SIX6: variants seen among roughly 807,000 people sequenced by gnomAD.
The protein encoded by SIX6 is SIX homeobox 6.
Under a neutral mutation model 23.6 loss-of-function variants are expected in SIX6, and 14 were observed. That is an observed-to-expected ratio of 0.59 (90% CI 0.39 to 0.93). The LOEUF (loss-of-function observed/expected upper bound fraction) is 0.93. Among genes scored for constraint, SIX6 ranks in the 40% least tolerant of loss-of-function variants. The pLI, the probability that SIX6 is intolerant of heterozygous loss-of-function variation, is 0.00. For synonymous variants in SIX6, 128 were observed against 144.9 expected (o/e 0.88, Z 0.84); for missense variants, 307 against 325.6 (o/e 0.94, Z 0.44).
At position 60,511,420 on chromosome 14, in the gene SIX6, T is replaced by A. The variant is rs931038337; in HGVS notation, c.*168T>A. 2 of 762,820 alleles carry A rather than the reference T, an allele frequency of 2.6e-6. No homozygotes were observed. Among genetic ancestry groups the A allele is most frequent in the African/African-American group, 1.7e-5 (1 of 57,988 alleles). 47.3% of individuals were successfully genotyped at this position (762,820 alleles called of 1,614,324 possible). A position where few individuals can be genotyped will look rare whatever the true frequency, so the allele number is the denominator to read the frequency against. On this transcript the variant is annotated 3_prime_UTR_variant, in exon 2 of 2. Transcript: ENST00000327720. The stretch of plus-strand genomic sequence containing the variant: ...TTCCCGCCCCACCCCGCGGCCGGCC[T>A]GGCTTCACTGGCGCCCTTTGGCCGC...
intron 1 of SIX6, 67 bp downstream of exon 1, chr14:60,510,037 G>A: frequency 1.4e-6 from 2 of 1,396,124 alleles, no homozygotes; most frequent in South Asian, 1.2e-5. Flanking sequence ...CACCTCTGGC[G>A]CCCTTACCCA....
At position 60,509,889 on chromosome 14, in the gene SIX6, C is replaced by A; in HGVS notation, c.491C>A (p.Ala164Glu). Residue 164 changes from alanine (A) to glutamate (E), a missense_variant, in exon 1 of 2, where the codon GCA (alanine) becomes GAA (glutamate). By Grantham distance (107) the Ala-to-Glu change is moderately radical (BLOSUM62 -1). Transcript: ENST00000327720. ...NPSKKRELAQ[A>E]TGLTPTQVGN... ...AGCAAAAAACGTGAGCTCGCCCAGG[C>A]AACCGGACTGACCCCTACGCAGGTG... 1 of 1,613,164 alleles carries A rather than the reference C, an allele frequency of 6.2e-7. No homozygotes were observed. Among genetic ancestry groups the A allele is most frequent in the Non-Finnish European group, 8.5e-7 (1 of 1,179,504 alleles).
chr14:60,510,197 T>C (rs1284098355), intron 1 of SIX6, among the ~76,000 whole-genome samples: 1 of 152,086 alleles, frequency 6.6e-6, no homozygotes, highest in Non-Finnish European at 1.5e-5. Context: ...CTGCAGCAGC[T>C]GGTCCCGGTC....
rs544183207 is a variant in SIX6, at chr14:60,511,914, A to G, written c.*662A>G. ...ATGGTCTCCGGAAGGTCTTACCTAT[A>G]TATCTTTTGCCTTCTTTGGTGCTTC... On this transcript the variant is annotated 3_prime_UTR_variant, in exon 2 of 2. Coordinates refer to ENST00000327720, the MANE Select transcript of SIX6 (RefSeq NM_007374.3). 1.3e-5 allele frequency: 2 copies of G among 155,860 alleles called. No homozygotes were observed. Among genetic ancestry groups the G allele is most frequent in the East Asian group, 1.9e-4 (1 of 5,248 alleles). 9.7% of individuals were successfully genotyped at this position (155,860 alleles called of 1,614,324 possible).
In SIX6 at chr14:60,509,978, C is replaced by T. The variant is rs1226402939; in HGVS notation, c.572+8C>T. Reference sequence around the variant, plus strand: ...GGCTGCAGCCAAGAACAGGTCGGTACCTAGAGGCCTCCGCGCTTTGAGCGC... The same window carrying T: ...GGCTGCAGCCAAGAACAGGTCGGTATCTAGAGGCCTCCGCGCTTTGAGCGC... On this transcript the variant is annotated splice_region_variant and intron_variant, in intron 1 of 1. Transcript: ENST00000327720. The T allele has an allele frequency of 2.5e-6, 4 of 1,591,582 alleles. No homozygotes were observed. The South Asian group carries it at 3.4e-5, about 14-fold the overall frequency.
intron 1 of SIX6, among the ~76,000 whole-genome samples, chr14:60,510,533 G>C (rs2140188840): frequency 6.6e-6 from 1 of 152,288 alleles, no homozygotes; most frequent in Non-Finnish European, 1.5e-5. Context: ...GAGGCTTTTC[G>C]TTTCCCGGAG....
In SIX6 at chr14:60,509,989, C is replaced by A; in HGVS notation, c.572+19C>A. 1 of 1,581,784 alleles carries A rather than the reference C, an allele frequency of 6.3e-7. No homozygotes were observed. The highest frequency in any genetic ancestry group is 1.1e-5 in the South Asian group (1 of 87,578). On this transcript the variant is annotated intron_variant, in intron 1 of 1. Coordinates refer to ENST00000327720, the MANE Select transcript of SIX6 (RefSeq NM_007374.3). ...AGAACAGGTCGGTACCTAGAGGCCTCCGCGCTTTGAGCGCACCGGGGAGGA... is the reference window on the plus strand; with the variant it reads ...AGAACAGGTCGGTACCTAGAGGCCTACGCGCTTTGAGCGCACCGGGGAGGA...
At position 60,509,274 on chromosome 14, in the gene SIX6, T is replaced by G; in HGVS notation, c.-125T>G. 1.2e-6 allele frequency: 1 copy of G among 828,390 alleles called. No individual in the cohort carries two copies. Among genetic ancestry groups the G allele is most frequent in the Non-Finnish European group, 2.0e-6 (1 of 500,412 alleles). The allele number at this position is 828,390 out of a possible 1,614,324, so 51.3% of individuals were successfully genotyped here. A position where few individuals can be genotyped will look rare whatever the true frequency, so the allele number is the denominator to read the frequency against. Reference sequence around the variant, plus strand: ...CCGTTGAGCCACCGCCGCCACCCGGTAGTGTGTCCCGCTGCCCCAATCCGC... The same window carrying G: ...CCGTTGAGCCACCGCCGCCACCCGGGAGTGTGTCCCGCTGCCCCAATCCGC... On this transcript the variant is annotated 5_prime_UTR_variant, in exon 1 of 2. Coordinates refer to ENST00000327720, the MANE Select transcript of SIX6 (RefSeq NM_007374.3).
chr14:60,509,980 T>C lies in SIX6; in HGVS notation c.572+10T>C, dbSNP rs1291884366. 9 of 1,590,698 alleles carry C rather than the reference T, an allele frequency of 5.7e-6. No homozygotes were observed. Among genetic ancestry groups the C allele is most frequent in the South Asian group, 2.3e-5 (2 of 88,346 alleles). ...CTGCAGCCAAGAACAGGTCGGTACCTAGAGGCCTCCGCGCTTTGAGCGCAC... is the reference window on the plus strand; with the variant it reads ...CTGCAGCCAAGAACAGGTCGGTACCCAGAGGCCTCCGCGCTTTGAGCGCAC... On this transcript the variant is annotated intron_variant, in intron 1 of 1. Transcript: ENST00000327720.
rs1279693192 is a variant in SIX6, at chr14:60,509,377, C to A, written c.-22C>A. 1 of 1,596,802 alleles carries A rather than the reference C, an allele frequency of 6.3e-7. No individual in the cohort carries two copies. The highest frequency in any genetic ancestry group is 1.1e-5 in the South Asian group (1 of 91,016). ...TGTCCCGCTCCGGGCTCAGTGCCCTCGCCGCCGCCGGCACTGCCTCGATGT... is the reference window on the plus strand; with the variant it reads ...TGTCCCGCTCCGGGCTCAGTGCCCTAGCCGCCGCCGGCACTGCCTCGATGT... On this transcript the variant is annotated 5_prime_UTR_variant, in exon 1 of 2. Transcript: ENST00000327720.
In SIX6 at chr14:60,509,614, T is replaced by C. The variant is rs201846510; in HGVS notation, c.216T>C (p.His72=). 2.5e-6 allele frequency: 4 copies of C among 1,613,582 alleles called. No individual in the cohort carries two copies. In the African/African-American group the frequency reaches 5.3e-5, roughly 22 times the overall value. ...FHGGNYRELY[H]ILENHKFTKE... ...GTGGCAACTACCGCGAGCTCTATCA[T>C]ATCCTGGAAAACCACAAGTTCACCA... Residue 72 remains histidine (H), a synonymous_variant, in exon 1 of 2, where the codon CAT becomes CAC. Transcript: ENST00000327720.
In SIX6 at chr14:60,511,572, T is replaced by A; in HGVS notation, c.*320T>A. On this transcript the variant is annotated 3_prime_UTR_variant, in exon 2 of 2. Transcript: ENST00000327720. ...GCAAGCTGAGCGCCTGCCCAGATTC[T>A]CCCATGGGTATTTCACGTCGAAAGG... The A allele has an allele frequency of 1.9e-6, 1 of 519,656 alleles. No homozygotes were observed. Among genetic ancestry groups the A allele is most frequent in the South Asian group, 2.1e-5 (1 of 47,692 alleles). The allele number at this position is 519,656 out of a possible 1,614,324, so 32.2% of individuals were successfully genotyped here.
At position 60,509,322 on chromosome 14, in the gene SIX6, A is replaced by G; in HGVS notation, c.-77A>G. The G allele has an allele frequency of 7.8e-7, 1 of 1,287,958 alleles. No individual in the cohort carries two copies. Among genetic ancestry groups the G allele is most frequent in the Non-Finnish European group, 1.1e-6 (1 of 898,142 alleles). 79.8% of individuals were successfully genotyped at this position (1,287,958 alleles called of 1,614,324 possible). The stretch of plus-strand genomic sequence containing the variant: ...CGCCTCATCAACAAGCGCCTGGCAC[A>G]CTCAGCCAGGCCCGCGGGCATCTGC... On this transcript the variant is annotated 5_prime_UTR_variant, in exon 1 of 2. Transcript: ENST00000327720.
In SIX6 at chr14:60,511,678, GA is replaced by G. The variant is rs1242825357; in HGVS notation, c.*427del. The G allele has an allele frequency of 1.1e-5, 3 of 270,630 alleles. No individual in the cohort carries two copies. The highest frequency in any genetic ancestry group is 6.7e-5 in the African/African-American group (3 of 44,908). The allele number at this position is 270,630 out of a possible 1,614,324, so 16.8% of individuals were successfully genotyped here. ...ATATGCTGTTTATTTACTTATTTAA[GA>G]GACCGCCATGGTAGGTTTCTCTGTA... is the stretch of plus-strand genomic sequence containing the variant. On this transcript the variant is annotated 3_prime_UTR_variant, in exon 2 of 2. Transcript: ENST00000327720.
Position 60,509,581 on chromosome 14 carries a change from C to G in SIX6, c.183C>G (p.Ala61=), listed in dbSNP as rs1226047712. ...TGCTACGCGCACGAGCCATCGTGGC[C>G]TTTCACGGTGGCAACTACCGCGAGC... ...ESVLRARAIV[A]FHGGNYRELY... is the part of the protein sequence containing the mutation. The change falls in exon 1 of 2, where the codon GCC becomes GCG. Residue 61 remains alanine, a synonymous_variant. Transcript: ENST00000327720. The G allele has an allele frequency of 3.1e-6, 5 of 1,613,040 alleles. No individual in the cohort carries two copies. Among genetic ancestry groups the G allele is most frequent in the African/African-American group, 1.3e-5 (1 of 74,942 alleles).
Position 60,511,492 on chromosome 14 carries a change from T to C in SIX6, c.*240T>C. On this transcript the variant is annotated 3_prime_UTR_variant, in exon 2 of 2. Transcript: ENST00000327720. ...GGCCTGACCCAGCACCACGTTCTTC[T>C]TGCTTTGCTTTTTCCTAAGGATTTT... 3.3e-6 allele frequency: 2 copies of C among 598,702 alleles called. No individual in the cohort carries two copies. The highest frequency in any genetic ancestry group is 2.0e-5 in the South Asian group (1 of 50,370). 37.1% of individuals were successfully genotyped at this position (598,702 alleles called of 1,614,324 possible). A position where few individuals can be genotyped will look rare whatever the true frequency, so the allele number is the denominator to read the frequency against.
Position 60,511,485 on chromosome 14 carries a change from G to C in SIX6, c.*233G>C. ...GCGGTGAGGCCTGACCCAGCACCAC[G>C]TTCTTCTTGCTTTGCTTTTTCCTAA... On this transcript the variant is annotated 3_prime_UTR_variant, in exon 2 of 2. Transcript: ENST00000327720. 1.7e-6 allele frequency: 1 copy of C among 604,608 alleles called. No individual in the cohort carries two copies. The highest frequency in any genetic ancestry group is 2.8e-5 in the East Asian group (1 of 36,034). 37.5% of individuals were successfully genotyped at this position (604,608 alleles called of 1,614,324 possible). A position where few individuals can be genotyped will look rare whatever the true frequency, so the allele number is the denominator to read the frequency against.
rs1420838564 is a variant in SIX6 at position 60,512,688 on chromosome 14, C to G, written c.*1436C>G. On this transcript the variant is annotated 3_prime_UTR_variant, in exon 2 of 2. Coordinates refer to ENST00000327720, the MANE Select transcript of SIX6 (RefSeq NM_007374.3). ...ATATTTTTAGCATTTAATTTTTCCTCGTGCACATGCATGTATGCACCTATA... is the reference window on the plus strand; with the variant it reads ...ATATTTTTAGCATTTAATTTTTCCTGGTGCACATGCATGTATGCACCTATA... 2.6e-5 allele frequency: 4 copies of G among 152,182 alleles called. No homozygotes were observed. Among genetic ancestry groups the G allele is most frequent in the African/African-American group, 9.7e-5 (4 of 41,424 alleles). 9.4% of individuals were successfully genotyped at this position (152,182 alleles called of 1,614,324 possible). A position where few individuals can be genotyped will look rare whatever the true frequency, so the allele number is the denominator to read the frequency against.
At position 60,509,988 on chromosome 14, in the gene SIX6, T is replaced by C. The variant is rs1261176221; in HGVS notation, c.572+18T>C. ...AAGAACAGGTCGGTACCTAGAGGCC[T>C]CCGCGCTTTGAGCGCACCGGGGAGG... is the stretch of plus-strand genomic sequence containing the variant. On this transcript the variant is annotated intron_variant, in intron 1 of 1. Coordinates refer to ENST00000327720, the MANE Select transcript of SIX6 (RefSeq NM_007374.3). 1 of 1,582,828 alleles carries C rather than the reference T, an allele frequency of 6.3e-7. No homozygotes were observed. Among genetic ancestry groups the C allele is most frequent in the East Asian group, 2.3e-5 (1 of 42,698 alleles).
Sources: allele counts gnomAD v4.1 joint callset (sites outside exome capture counted in the v4.1 genomes callset), GRCh38; gene constraint gnomAD v4.1.1; transcripts MANE v1.5; gene names NCBI Gene and HGNC (gene_info 2026-07-23, HGNC 2026-07-21).